RBM6: variants seen among roughly 807,000 people sequenced by gnomAD.
The protein encoded by RBM6 is RNA binding motif protein 6, also known as RNA-binding protein 6.
RBM6 carries 23 observed loss-of-function variants against 140.4 expected under a neutral mutation model. The ratio of observed to expected loss-of-function variants is 0.16; its 90% CI spans 0.12 to 0.23. The LOEUF is 0.23. Ranked by LOEUF, RBM6 falls within the 10% of genes least tolerant of loss-of-function variation. RBM6 has a pLI of 1.00. For missense variants in RBM6, 1,139 were observed against 1,386.7 expected, an observed-to-expected ratio of 0.82 and a Z score of 2.84; for synonymous variants, 439 against 475.6, an observed-to-expected ratio of 0.92 and a Z score of 1.00.
intron 1 of RBM6, among the ~76,000 whole-genome samples, chr3:49,958,732 C>T (rs983323595): frequency 4.2e-5 from 6 of 142,450 alleles, no homozygotes; most frequent in Non-Finnish European, 6.0e-5. Flanking sequence ...GCCTTGGCAA[C>T]AGAGCGAGAC....
In RBM6 at chr3:49,967,682, G is replaced by A. The variant is rs750495615; in HGVS notation, c.257G>A (p.Arg86Gln). Residue 86 changes from arginine (R) to glutamine (Q), a missense_variant, in exon 3 of 21, where the codon CGA becomes CAA. Coordinates refer to ENST00000266022, the MANE Select transcript of RBM6 (RefSeq NM_005777.3). The surrounding 1 kb of genome is among the most constrained non-coding windows in gnomAD (Gnocchi z 4.0). ...AGAGACGGACCGCATGGTGACTATCGAGGAGGGGAGGGACCTGGACATGAT... is the reference window on the plus strand; with the variant it reads ...AGAGACGGACCGCATGGTGACTATCAAGGAGGGGAGGGACCTGGACATGAT... ...GARDGPHGDY[R>Q]GGEGPGHDFR... The A allele has an allele frequency of 2.5e-6, 4 of 1,614,124 alleles. No homozygotes were observed. In the Admixed American group the frequency reaches 5.0e-5, roughly 20 times the overall value.
intron 7 of RBM6, among the ~76,000 whole-genome samples, chr3:50,052,986 G>GGGTGTGT (rs1386634861): frequency 7.4e-6 from 1 of 134,658 alleles, no homozygotes; most frequent in Non-Finnish European, 1.6e-5. Context: ...AGTGGGCAGG[G>GGGTGTGT]GTGTGTGTGT....
rs58115280 is a variant in RBM6 at position 50,018,581 on chromosome 3, G to GTTT, written c.1557+19096_1557+19098dup. Among the ~76,000 whole-genome samples the GTTT allele has an allele frequency of 2.9e-3, 185 of 63,552 alleles. 24 individuals carry two copies. The highest frequency in any genetic ancestry group is 0.016 in the Middle Eastern group (1 of 62). 41.7% of individuals were successfully genotyped at this position (63,552 alleles called of 152,430 possible). A position where few individuals can be genotyped will look rare whatever the true frequency, so the allele number is the denominator to read the frequency against. ...TTACTGGATCGTATGGTAGGAGTGT[G>GTTT]TTTTTTTTTTTTTTTTTTTTTTTTT... On this transcript the variant is annotated intron_variant, in intron 6 of 20. Transcript: ENST00000266022.
At chr3:50,028,498 T>G (rs2108814733) in intron 6 of RBM6, among the ~76,000 whole-genome samples, 1 of 152,288 alleles carries the variant, frequency 6.6e-6, no homozygotes, top group Middle Eastern at 3.4e-3. Context: ...CTTTTCCTAG[T>G]AAAATACTTC....
chr3:50,069,758 A>G (rs2108946526), intron 18 of RBM6, among the ~76,000 whole-genome samples: 1 of 152,332 alleles, frequency 6.6e-6, no homozygotes, highest in South Asian at 2.1e-4. Context: ...TGAACTGGCC[A>G]TAGGACAGTG....
chr3:49,973,876 G>A (rs978776992), intron 4 of RBM6, among the ~76,000 whole-genome samples: 8 of 146,178 alleles, frequency 5.5e-5, no homozygotes, highest in Non-Finnish European at 9.1e-5. Context: ...ATGAGCCACC[G>A]CGCCCAGCAT....
intron 5 of RBM6, among the ~76,000 whole-genome samples, chr3:49,988,436 G>A (rs1001003624): frequency 1.3e-4 from 20 of 151,878 alleles, no homozygotes; most frequent in African/African-American, 3.4e-4. Flanking sequence ...GAGCCAGTGC[G>A]CCTGGCCTTC....
intron 9 of RBM6, 59 bp from the exon 10 acceptor site, chr3:50,058,343 T>C (rs1043214316): frequency 9.2e-6 from 14 of 1,525,262 alleles, no homozygotes; most frequent in Non-Finnish European, 1.3e-5. Context: ...TTCTTGGGAC[T>C]TCAAAAATTT....
At chr3:50,041,045 CAAAT>C (rs2088890282) in intron 6 of RBM6, among the ~76,000 whole-genome samples, 1 of 152,308 alleles carries the variant, frequency 6.6e-6, no homozygotes, top group South Asian at 2.1e-4. Context: ...TCAGAGAACA[CAAAT>C]AAGATTTTGG....
At chr3:50,032,966 C>T (rs942192489) in intron 6 of RBM6, among the ~76,000 whole-genome samples, 3 of 150,266 alleles carry the variant, frequency 2.0e-5, no homozygotes, top group African/African-American at 7.4e-5. Context: ...ACCTGGGCAA[C>T]AAGAGCAAAA....
chr3:49,955,168 T>TC (rs1168062556), intron 1 of RBM6, among the ~76,000 whole-genome samples: 4 of 112,582 alleles, frequency 3.6e-5, no homozygotes, highest in Non-Finnish European at 7.3e-5. Flanking sequence ...TTCTTTTTTT[T>TC]TTTTTTTTTT....
intron 6 of RBM6, among the ~76,000 whole-genome samples, chr3:50,046,686 A>C (rs761988147): frequency 1.3e-5 from 2 of 151,982 alleles, no homozygotes; most frequent in Non-Finnish European, 2.9e-5. Flanking sequence ...CTGCATACAG[A>C]GCCTGTCTCT....
intron 5 of RBM6, among the ~76,000 whole-genome samples, chr3:49,991,377 TG>T (rs1211080045): frequency 6.6e-6 from 1 of 152,294 alleles, no homozygotes; most frequent in East Asian, 1.9e-4. Context: ...GTGGGTGATT[TG>T]CTCAAGCCCC....
At chr3:49,964,444 C>T (rs1383596888) in intron 2 of RBM6, among the ~76,000 whole-genome samples, 1 of 152,082 alleles carries the variant, frequency 6.6e-6, no homozygotes, top group Non-Finnish European at 1.5e-5. Flanking sequence ...AGGATTAGAT[C>T]AGTGGTCAGC....
chr3:50,006,824 T>C (rs981192899), intron 6 of RBM6, among the ~76,000 whole-genome samples: 5 of 151,652 alleles, frequency 3.3e-5, no homozygotes, highest in Admixed American at 2.6e-4. Flanking sequence ...TCCCAGCTAC[T>C]TGGGAGGCTG....
intron 6 of RBM6, among the ~76,000 whole-genome samples, chr3:50,024,865 C>T (rs751427986): frequency 1.2e-4 from 18 of 151,694 alleles, no homozygotes; most frequent in African/African-American, 3.9e-4. Flanking sequence ...AGGCAGGACA[C>T]CTGTAATCCC....
rs768364341 is a variant in RBM6, at chr3:50,068,764, G to A, written c.3018G>A (p.Glu1006=). The A allele has an allele frequency of 1.2e-6, 2 of 1,613,438 alleles. No homozygotes were observed. Among genetic ancestry groups the A allele is most frequent in the Non-Finnish European group, 1.7e-6 (2 of 1,179,410 alleles). ...CCTATCTGGAAAGGAGAGAACGAGA[G>A]GTAAACTTTGGTGACCTATTACTCC... ...ELAYLERRER[E]GKFKGRGNDR... Residue 1006 remains glutamate (E), a splice_region_variant and synonymous_variant, in exon 18 of 21, where the codon GAG becomes GAA. Transcript: ENST00000266022.
rs550885998 is a variant in RBM6 at position 49,962,588 on chromosome 3, C to T, written c.-54C>T. 41 of 1,522,588 alleles carry T rather than the reference C, an allele frequency of 2.7e-5. 1 individual carries two copies. In the South Asian group the frequency reaches 5.0e-4, roughly 19 times the overall value. The allele number at this position is 1,522,588 out of a possible 1,614,324, so 94.3% of individuals were successfully genotyped here. A position where few individuals can be genotyped will look rare whatever the true frequency, so the allele number is the denominator to read the frequency against. Reference sequence around the variant, plus strand: ...TTATTTTGTACAGGTACTGCTATAACCAGAATTTGGTAGAAAAAGGATTTA... The same window carrying T: ...TTATTTTGTACAGGTACTGCTATAATCAGAATTTGGTAGAAAAAGGATTTA... On this transcript the variant is annotated 5_prime_UTR_variant, in exon 2 of 21. Transcript: ENST00000266022.
intron 6 of RBM6, among the ~76,000 whole-genome samples, chr3:50,008,118 C>T (rs1442195506): frequency 6.6e-6 from 1 of 152,132 alleles, no homozygotes; most frequent in Non-Finnish European, 1.5e-5. Flanking sequence ...ACCCTAAGCT[C>T]TGATAACCAG....
Sources: allele counts gnomAD v4.1 joint callset (sites outside exome capture counted in the v4.1 genomes callset), GRCh38; gene constraint gnomAD v4.1.1; non-coding constraint Gnocchi (gnomAD v3.1); transcripts MANE v1.5; gene names NCBI Gene and HGNC (gene_info 2026-07-23, HGNC 2026-07-21).